VMP1: variants seen among roughly 807,000 people sequenced by gnomAD.
The protein encoded by VMP1 is ectopic P-granules autophagy protein 3 homolog.
A neutral mutation model predicts 56.0 loss-of-function variants in VMP1; 11 were observed. That is an observed-to-expected ratio of 0.20 (90% CI 0.12 to 0.32). The LOEUF (loss-of-function observed/expected upper bound fraction) is 0.32, where lower values mean the gene tolerates loss of function less well. VMP1 is among the 10% of genes least tolerant of loss of function. The pLI, the probability that VMP1 is intolerant of heterozygous loss-of-function variation, is 1.00. For missense variants in VMP1, 296 were observed against 490.3 expected (o/e 0.60, Z 3.74); for synonymous variants, 149 against 165.0 (o/e 0.90, Z 0.74).
chr17:59,826,484 AATTC>A (rs1254881766), intron 10 of VMP1, among the ~76,000 whole-genome samples: 1 of 152,208 alleles, frequency 6.6e-6, no homozygotes, highest in African/African-American at 2.4e-5. Flanking sequence ...CAGATGAATT[AATTC>A]ATTCATTAAA....
intron 10 of VMP1, among the ~76,000 whole-genome samples, chr17:59,829,019 G>A (rs2038729905): frequency 6.6e-6 from 1 of 152,178 alleles, no homozygotes; most frequent in Non-Finnish European, 1.5e-5. Flanking sequence ...AGGGGGTTGA[G>A]GCAGGAGAAT....
chr17:59,817,097 C>T (rs1377171117), intron 9 of VMP1, among the ~76,000 whole-genome samples: 4 of 150,340 alleles, frequency 2.7e-5, no homozygotes, highest in East Asian at 2.0e-4. Context: ...GGAGAAACAC[C>T]ATCTCTACTA....
intron 10 of VMP1, among the ~76,000 whole-genome samples, chr17:59,818,679 G>A (rs1212436971): frequency 2.6e-5 from 4 of 151,310 alleles, no homozygotes; most frequent in Middle Eastern, 3.4e-3. Flanking sequence ...CGGAGGTTGC[G>A]GTGAGCTGAG....
At chr17:59,732,213 C>T (rs2034851450) in intron 2 of VMP1, among the ~76,000 whole-genome samples, 2 of 151,888 alleles carry the variant, frequency 1.3e-5, no homozygotes, top group Admixed American at 1.3e-4. Flanking sequence ...AGAGGAAGTG[C>T]AAGGAATCTG....
chr17:59,751,113 C>T (rs1243090801), intron 5 of VMP1, among the ~76,000 whole-genome samples: 1 of 151,568 alleles, frequency 6.6e-6, no homozygotes, highest in East Asian at 1.9e-4. Flanking sequence ...TTTGTATTTT[C>T]AGTAGAGACA....
chr17:59,778,498 G>A lies in VMP1; in HGVS notation c.714+4613G>A, dbSNP rs562035642. 1.9e-4 allele frequency among the ~76,000 whole-genome samples: 28 copies of A among 150,028 alleles called. No homozygotes were observed. In the East Asian group the frequency reaches 3.7e-3, roughly 20 times the overall value. ...GTGGAGCTTGCAGTGAGCCGAGATC[G>A]CACCACTGCACTCCAGCCTGGGTGA... is the stretch of plus-strand genomic sequence containing the variant. On this transcript the variant is annotated intron_variant, in intron 7 of 11. Transcript: ENST00000262291.
At chr17:59,717,177 G>A (rs567982575) in intron 1 of VMP1, among the ~76,000 whole-genome samples, 143 of 151,818 alleles carry the variant, frequency 9.4e-4, no homozygotes, top group Non-Finnish European at 1.4e-3. Flanking sequence ...TCACTGTGTT[G>A]GCCAGGATGG....
intron 1 of VMP1, among the ~76,000 whole-genome samples, chr17:59,723,406 TAGG>T (rs772424062): frequency 3.9e-5 from 6 of 151,910 alleles, no homozygotes; most frequent in Non-Finnish European, 8.8e-5. Context: ...GTCAGAGAAA[TAGG>T]AGGAAAAATG....
chr17:59,773,516 C>G (rs1049365887), intron 6 of VMP1, among the ~76,000 whole-genome samples: 10 of 151,776 alleles, frequency 6.6e-5, no homozygotes, highest in African/African-American at 2.4e-4. Context: ...GCTACAGGTG[C>G]GTGCCCACTG....
rs1203163213 is a variant in VMP1 at position 59,766,302 on chromosome 17, G to A, written c.582+1164G>A. Among the ~76,000 whole-genome samples, 9 of 152,122 alleles carry A rather than the reference G, an allele frequency of 5.9e-5. No individual in the cohort carries two copies. In the East Asian group the frequency reaches 1.4e-3, roughly 23 times the overall value. ...GCAGATCACTTGAGGCCAGGAGTTC[G>A]AGATCAGCCTGGTCAACATGGTGAA... On this transcript the variant is annotated intron_variant, in intron 6 of 11. Transcript: ENST00000262291.
intron 7 of VMP1, among the ~76,000 whole-genome samples, chr17:59,800,837 G>C (rs1379174466): frequency 2.6e-5 from 4 of 151,936 alleles, no homozygotes. Flanking sequence ...GTCCCAGCAC[G>C]TTAGGAGCCT....
At chr17:59,816,522 G>A (rs2038236620) in intron 9 of VMP1, among the ~76,000 whole-genome samples, 1 of 152,232 alleles carries the variant, frequency 6.6e-6, no homozygotes, top group South Asian at 2.1e-4. Context: ...GAAGACTACT[G>A]TTGGCTGGGC....
intron 5 of VMP1, among the ~76,000 whole-genome samples, chr17:59,749,738 G>T (rs979461785): frequency 6.6e-6 from 1 of 151,816 alleles, no homozygotes; most frequent in Non-Finnish European, 1.5e-5. Flanking sequence ...CTCGAATTCT[G>T]ACCTCAAGTG....
intron 1 of VMP1, among the ~76,000 whole-genome samples, chr17:59,711,965 G>A (rs1249404133): frequency 6.6e-6 from 1 of 152,138 alleles, no homozygotes; most frequent in African/African-American, 2.4e-5. Flanking sequence ...TATAAAGCTA[G>A]ACTGCTTTTT....
intron 5 of VMP1, among the ~76,000 whole-genome samples, chr17:59,739,645 A>G (rs1598318285): frequency 6.7e-6 from 1 of 148,822 alleles, no homozygotes; most frequent in South Asian, 2.1e-4. Flanking sequence ...AATGGCCTGA[A>G]CCCGGGAGGC....
chr17:59,740,675 C>T (rs989674456), intron 5 of VMP1, among the ~76,000 whole-genome samples: 3 of 152,148 alleles, frequency 2.0e-5, no homozygotes, highest in Admixed American at 6.5e-5. Context: ...AGGGAATTAA[C>T]TCATATCACT....
intron 6 of VMP1, among the ~76,000 whole-genome samples, chr17:59,771,114 T>C (rs2144021673): frequency 6.6e-6 from 1 of 152,180 alleles, no homozygotes; most frequent in East Asian, 1.9e-4. Context: ...ATTATATATG[T>C]CCATTATTTT....
At chr17:59,805,446 A>C (rs1190894485) in intron 7 of VMP1, among the ~76,000 whole-genome samples, 1 of 152,206 alleles carries the variant, frequency 6.6e-6, no homozygotes, top group East Asian at 1.9e-4. Flanking sequence ...GGTGATCTGC[A>C]TAATGTTTAA....
chr17:59,721,380 A>G (rs1485357748), intron 1 of VMP1, among the ~76,000 whole-genome samples: 1 of 152,214 alleles, frequency 6.6e-6, no homozygotes, highest in Non-Finnish European at 1.5e-5. Flanking sequence ...ATATTTTACA[A>G]ATATGCACAA....
Sources: allele counts gnomAD v4.1 joint callset (sites outside exome capture counted in the v4.1 genomes callset), GRCh38; gene constraint gnomAD v4.1.1; transcripts MANE v1.5; gene names NCBI Gene and HGNC (gene_info 2026-07-23, HGNC 2026-07-21).